TANC1: variants seen among roughly 807,000 people sequenced by gnomAD.
TANC1 encodes the protein tetratricopeptide repeat, ankyrin repeat and coiled-coil containing 1, also known as protein TANC1.
In TANC1, 77 loss-of-function variants were observed where a neutral mutation model predicts 149.7. The observed-to-expected ratio is 0.51, with a 90% CI of 0.43 to 0.62. TANC1 has a LOEUF of 0.62. Ranked by LOEUF, TANC1 falls within the 20% of genes least tolerant of loss-of-function variation. The probability of loss-of-function intolerance (pLI) is 0.00; values close to 1 mark genes in which losing one functional copy is unlikely to be tolerated. For missense variants in TANC1, 1,985 were observed against 2,321.8 expected (o/e 0.85, Z 2.98); for synonymous variants, 854 against 925.0 (o/e 0.92, Z 1.39).
At chr2:159,209,669 T>TA (rs1261631325) in intron 19 of TANC1, among the ~76,000 whole-genome samples, 1 of 151,810 alleles carries the variant, frequency 6.6e-6, no homozygotes. Context: ...TCCCAGAGTT[T>TA]AAAAAAAAGA....
At chr2:159,162,603 C>G (rs1378533545) in intron 7 of TANC1, among the ~76,000 whole-genome samples, 1 of 152,112 alleles carries the variant, frequency 6.6e-6, no homozygotes, top group Admixed American at 6.5e-5. Context: ...TTTTTCTGTG[C>G]TGGTTTTCTT....
chr2:159,163,189 T>C (rs769183106), intron 7 of TANC1, 94 bp from the exon 8 acceptor site: 67 of 1,277,432 alleles, frequency 5.2e-5, no homozygotes, highest in Non-Finnish European at 6.6e-5. Flanking sequence ...TGGAAAACTT[T>C]CCATTGATCC....
chr2:159,116,101 C>T (rs1386383431), intron 4 of TANC1, among the ~76,000 whole-genome samples: 1 of 152,020 alleles, frequency 6.6e-6, no homozygotes, highest in Non-Finnish European at 1.5e-5. Context: ...GACGCAGAGG[C>T]TGTGAAGGTC....
Position 159,170,577 on chromosome 2 carries a change from G to A in TANC1, c.1123G>A (p.Glu375Lys). Residue 375 changes from glutamate (E) to lysine (K), a missense_variant, in exon 10 of 27, where the codon GAA (glutamate) becomes AAA (lysine). Glu to Lys is a moderately conservative substitution (Grantham distance 56). This residue lies in a region of TANC1 where 557 missense variants were observed against 612.9 expected (regional missense o/e 0.91). Coordinates refer to ENST00000263635, the MANE Select transcript of TANC1 (RefSeq NM_033394.3). The stretch of plus-strand genomic sequence containing the variant: ...CATTTTGTTGAAACCCTTGTTGTTT[G>A]AAGTACCAAGCATAACAACAGACTC... ...QDILLKPLLF[E>K]VPSITTDSVF... 6.2e-7 allele frequency: 1 copy of A among 1,614,030 alleles called. No individual in the cohort carries two copies. Among genetic ancestry groups the A allele is most frequent in the Non-Finnish European group, 8.5e-7 (1 of 1,179,972 alleles).
At chr2:158,995,600 G>A (rs1480866752) in intron 1 of TANC1, among the ~76,000 whole-genome samples, 2 of 152,122 alleles carry the variant, frequency 1.3e-5, no homozygotes, top group Non-Finnish European at 2.9e-5. Context: ...GGTTTTTACA[G>A]AATGGGATAA....
chr2:159,016,745 T>G (rs989632614), intron 2 of TANC1, among the ~76,000 whole-genome samples: 1 of 151,920 alleles, frequency 6.6e-6, no homozygotes, highest in African/African-American at 2.4e-5. Context: ...TGGCTAATTT[T>G]TTGTATTTTT....
At chr2:159,182,278 C>T (rs1425040776) in intron 14 of TANC1, among the ~76,000 whole-genome samples, 1 of 151,310 alleles carries the variant, frequency 6.6e-6, no homozygotes, top group African/African-American at 2.4e-5. Context: ...ATATTTGCTA[C>T]ATCTGTTTCC....
At chr2:159,208,488 G>C (rs931800949) in intron 19 of TANC1, among the ~76,000 whole-genome samples, 1 of 152,196 alleles carries the variant, frequency 6.6e-6, no homozygotes, top group Non-Finnish European at 1.5e-5. Flanking sequence ...TTTTACAGTA[G>C]AGTTTGTAAC....
intron 3 of TANC1, among the ~76,000 whole-genome samples, chr2:159,080,859 G>C (rs2044201301): frequency 6.6e-6 from 1 of 152,192 alleles, no homozygotes; most frequent in African/African-American, 2.4e-5. Flanking sequence ...CTATCCCTCA[G>C]CCAGCCAGAC....
At position 159,028,052 on chromosome 2, in the gene TANC1, T is replaced by A. The variant is rs372930497; in HGVS notation, c.-16+26863T>A. Among the ~76,000 whole-genome samples, 144 of 152,296 alleles carry A rather than the reference T, an allele frequency of 9.5e-4. 1 individual carries two copies. In the Middle Eastern group the frequency reaches 0.034, roughly 36 times the overall value. On this transcript the variant is annotated intron_variant, in intron 2 of 26. Coordinates refer to ENST00000263635, the MANE Select transcript of TANC1 (RefSeq NM_033394.3). ...CCAAAGGCCTCACCTCCACTCCACA[T>A]ATGAATTTGGGGATTACGTTGCCAA...
chr2:158,983,468 C>CAAAAAAAAAAAAAAAAAAAAA (rs35472970), intron 1 of TANC1, among the ~76,000 whole-genome samples: 44 of 88,790 alleles, frequency 5.0e-4, no homozygotes, highest in African/African-American at 1.8e-3. Context: ...CTCCGTCTCC[C>CAAAAAAAAAAAAAAAAAAAAA]AAAAAAAAAA....
At chr2:158,979,385 G>A (rs531575659) in intron 1 of TANC1, among the ~76,000 whole-genome samples, 3 of 151,906 alleles carry the variant, frequency 2.0e-5, no homozygotes, top group South Asian at 2.1e-4. Flanking sequence ...TCTCAGCTAC[G>A]TGGGAGACTG....
chr2:159,170,614 G>GA lies in TANC1; in HGVS notation c.1162dup (p.Arg388LysfsTer63). On this transcript the variant is annotated frameshift_variant, in exon 10 of 27. Coordinates refer to ENST00000263635, the MANE Select transcript of TANC1 (RefSeq NM_033394.3). LOFTEE classifies it high-confidence loss of function. ...ATAACAACAGACTCTGTGTTTGTGG[G>GA]AAGGGATTGGCTCTTTCACCAGATA... 1 of 1,614,130 alleles carries GA rather than the reference G, an allele frequency of 6.2e-7. No homozygotes were observed.
chr2:159,209,467 G>A (rs1240393039), intron 19 of TANC1, among the ~76,000 whole-genome samples: 1 of 152,168 alleles, frequency 6.6e-6, no homozygotes, highest in Non-Finnish European at 1.5e-5. Flanking sequence ...CTAGAAGGTG[G>A]GGCGGGGAGG....
At chr2:159,016,987 G>A (rs1037505425) in intron 2 of TANC1, among the ~76,000 whole-genome samples, 2 of 152,066 alleles carry the variant, frequency 1.3e-5, no homozygotes, top group African/African-American at 4.8e-5. Flanking sequence ...TTTTGCTTGA[G>A]GCTGTTTTTC....
chr2:159,171,855 T>G (rs756682828), intron 10 of TANC1, among the ~76,000 whole-genome samples: 7 of 3,152 alleles, frequency 2.2e-3, no homozygotes, highest in Admixed American at 0.012. Context: ...AGACTCCGCC[T>G]TAAAAAAAAA....
In TANC1 at chr2:159,149,092, A is replaced by G. The variant is rs1032159964; in HGVS notation, c.365-50A>G. ...TAGTGTGAACTCATCCAGATGCGAT[A>G]CTGAAATTCCCCAGAGGGGCATCTT... is the stretch of plus-strand genomic sequence containing the variant. On this transcript the variant is annotated intron_variant, in intron 5 of 26. Coordinates refer to ENST00000263635, the MANE Select transcript of TANC1 (RefSeq NM_033394.3). 2.0e-6 allele frequency: 3 copies of G among 1,531,266 alleles called. No homozygotes were observed. The East Asian group carries it at 6.8e-5, about 35-fold the overall frequency. The allele number at this position is 1,531,266 out of a possible 1,614,324, so 94.9% of individuals were successfully genotyped here.
Position 159,136,047 on chromosome 2 carries a change from T to TGTGTGTGTGCGC in TANC1, c.260-144_260-143insTGTGTGCGCGTG, listed in dbSNP as rs1457762905. ...GTGTGTGTGTGTGTGTGTGTGTGTG[T>TGTGTGTGTGCGC]GTGCGCGCGCGCGCGTTTAAGGGAG... On this transcript the variant is annotated intron_variant, in intron 4 of 26. Coordinates refer to ENST00000263635, the MANE Select transcript of TANC1 (RefSeq NM_033394.3). 195 of 211,262 alleles carry TGTGTGTGTGCGC rather than the reference T, an allele frequency of 9.2e-4. 18 individuals are homozygous for TGTGTGTGTGCGC. Among genetic ancestry groups the TGTGTGTGTGCGC allele is most frequent in the South Asian group, 4.5e-3 (119 of 26,728 alleles). The allele number at this position is 211,262 out of a possible 1,614,324, so 13.1% of individuals were successfully genotyped here. A position where few individuals can be genotyped will look rare whatever the true frequency, so the allele number is the denominator to read the frequency against.
rs562960250 is a variant in TANC1 at position 159,004,717 on chromosome 2, CA to C, written c.-16+3532del. On this transcript the variant is annotated intron_variant, in intron 2 of 26. Transcript: ENST00000263635. ...CCCAGTAGAAATAAAAAAAACTTTA[CA>C]AAACAAACAAACAAACAAAAAAAAC... 1.2e-3 allele frequency among the ~76,000 whole-genome samples: 179 copies of C among 151,854 alleles called. 1 individual carries two copies. The highest frequency in any genetic ancestry group is 4.2e-3 in the African/African-American group (174 of 41,394).
Sources: allele counts gnomAD v4.1 joint callset (sites outside exome capture counted in the v4.1 genomes callset), GRCh38; gene constraint gnomAD v4.1.1; regional missense constraint gnomAD v4.1.1; transcripts MANE v1.5; gene names NCBI Gene and HGNC (gene_info 2026-07-23, HGNC 2026-07-21).